Variants in AKAP9 observed in about 807,000 individuals in gnomAD.
AKAP9 encodes A-kinase anchor protein 9.
Under a neutral mutation model 488.5 loss-of-function variants are expected in AKAP9, and 311 were observed. That is an observed-to-expected ratio of 0.64 (90% CI 0.58 to 0.70). The LOEUF is 0.70. Among genes scored for constraint, AKAP9 ranks in the 30% least tolerant of loss-of-function variants. AKAP9 has a pLI of 0.00. For missense variants in AKAP9, 4,215 were observed against 4,374.5 expected (o/e 0.96, Z 1.03); for synonymous variants, 1,462 against 1,483.5 (o/e 0.99, Z 0.33).
chr7:92,062,148 GACTTTTA>G (rs1363708631), intron 23 of AKAP9, 119 bp from the exon 24 acceptor site: 1 of 813,124 alleles, frequency 1.2e-6, no homozygotes, highest in African/African-American at 1.7e-5. Context: ...ATTCATTCAA[GACTTTTA>G]ATAGGTTGGA....
At chr7:92,109,007 C>T (rs958304403) in intron 49 of AKAP9, 1 of 341,380 alleles carries the variant, frequency 2.9e-6, no homozygotes, top group Non-Finnish European at 5.5e-6. Flanking sequence ...GGCCGTGCCG[C>T]AGCACTCCAG....
rs997511406 is a variant in AKAP9 at position 92,016,674 on chromosome 7, A to G, written c.3752-343A>G. 2.0e-5 allele frequency among the ~76,000 whole-genome samples: 3 copies of G among 152,234 alleles called. No homozygotes were observed. In the East Asian group the frequency reaches 5.8e-4, roughly 29 times the overall value. On this transcript the variant is annotated intron_variant, in intron 11 of 49. Coordinates refer to ENST00000356239, the MANE Select transcript of AKAP9 (RefSeq NM_005751.5). ...AATATATTAGTATCTTTCTTAATAT[A>G]GATCTGCTATAAGTTTGTTTTAACA...
intron 14 of AKAP9, among the ~76,000 whole-genome samples, chr7:92,027,531 A>T (rs1227443931): frequency 6.0e-5 from 5 of 83,664 alleles, no homozygotes; most frequent in Non-Finnish European, 9.4e-5. Flanking sequence ...GAGGTGAGGA[A>T]CGCCTCTGCC....
At chr7:91,998,344 A>G (rs895806504) in intron 7 of AKAP9, among the ~76,000 whole-genome samples, 6 of 141,732 alleles carry the variant, frequency 4.2e-5, no homozygotes, top group Non-Finnish European at 7.6e-5. Flanking sequence ...CAAACTTCCC[A>G]TTGGTGCCGT....
chr7:91,947,801 T>C (rs1446665315), intron 1 of AKAP9, among the ~76,000 whole-genome samples: 1 of 152,212 alleles, frequency 6.6e-6, no homozygotes, highest in African/African-American at 2.4e-5. Flanking sequence ...TAATTTTTTT[T>C]AATTGAGGTG....
chr7:92,085,419 A>G (rs948962212), intron 35 of AKAP9, 76 bp from the exon 36 acceptor site: 41 of 1,373,538 alleles, frequency 3.0e-5, no homozygotes, highest in Middle Eastern at 1.8e-4. Flanking sequence ...CTTAAAATTT[A>G]TTTCTGTTTG....
intron 1 of AKAP9, among the ~76,000 whole-genome samples, chr7:91,962,123 C>A (rs1793804346): frequency 6.6e-6 from 1 of 152,144 alleles, no homozygotes; most frequent in African/African-American, 2.4e-5. Flanking sequence ...TAAAGTGCAT[C>A]ATTTCAGTAT....
chr7:92,036,181 T>C (rs1412794591), intron 16 of AKAP9, among the ~76,000 whole-genome samples: 2 of 152,268 alleles, frequency 1.3e-5, no homozygotes, highest in Non-Finnish European at 2.9e-5. Flanking sequence ...TTCCAGTGTT[T>C]TCTGATTTCT....
intron 1 of AKAP9, among the ~76,000 whole-genome samples, chr7:91,963,581 G>GCA: frequency 6.6e-6 from 1 of 151,550 alleles, no homozygotes; most frequent in East Asian, 1.9e-4. Context: ...GCAGTGGCAT[G>GCA]ATCTCGGCTC....
At chr7:91,996,350 C>T (rs1021393315) in intron 7 of AKAP9, among the ~76,000 whole-genome samples, 3 of 152,064 alleles carry the variant, frequency 2.0e-5, no homozygotes, top group Admixed American at 6.6e-5. Context: ...CATAAAACTA[C>T]TCATCCTGGA....
At position 92,083,475 on chromosome 7, in the gene AKAP9, T is replaced by A. The variant is rs767060392; in HGVS notation, c.8466T>A (p.Ser2822Arg). ...CSSEEVTEII[S>R]QFTEKIEKMQ... ...CAGAAGAAGTTACTGAAATAATCAGTCAGTTTACTGAAAAAATTGAGAAGA... is the reference window on the plus strand; with the variant it reads ...CAGAAGAAGTTACTGAAATAATCAGACAGTTTACTGAAAAAATTGAGAAGA... The change falls in exon 33 of 50, where the codon AGT becomes AGA. Residue 2822 changes from serine to arginine, a missense_variant. By Grantham distance (110) the Ser-to-Arg change is moderately radical (BLOSUM62 -1). Coordinates refer to ENST00000356239, the MANE Select transcript of AKAP9 (RefSeq NM_005751.5). 4 of 1,613,238 alleles carry A rather than the reference T, an allele frequency of 2.5e-6. No individual in the cohort carries two copies. Among genetic ancestry groups the A allele is most frequent in the Non-Finnish European group, 3.4e-6 (4 of 1,179,592 alleles).
intron 23 of AKAP9, among the ~76,000 whole-genome samples, 181 bp downstream of exon 23, chr7:92,061,603 TATATATATATATATATAA>T (rs1274364355): frequency 5.0e-5 from 7 of 141,170 alleles, no homozygotes; most frequent in African/African-American, 1.9e-4. Context: ...TATATATATA[TATATATATATATATATAA>T]AATTATAAAA....
chr7:91,993,345 C>T (rs906194686), intron 5 of AKAP9, among the ~76,000 whole-genome samples: 1 of 152,018 alleles, frequency 6.6e-6, no homozygotes, highest in Non-Finnish European at 1.5e-5. Context: ...TGCACTACCA[C>T]ACCCAGCTAA....
chr7:92,040,821 C>T lies in AKAP9; in HGVS notation c.4840C>T (p.Arg1614Trp), dbSNP rs772669837. 33 of 1,613,544 alleles carry T rather than the reference C, an allele frequency of 2.0e-5. No individual in the cohort carries two copies. Among genetic ancestry groups the T allele is most frequent in the Middle Eastern group, 3.3e-4 (2 of 6,084 alleles). Residue 1614 changes from arginine (R) to tryptophan (W), a missense_variant, in exon 18 of 50, where the codon CGG becomes TGG. Transcript: ENST00000356239. ...ATELLRQAHM[R>W]QMERQREDQE... ...GGAATTGTTAAGGCAAGCACATATG[C>T]GGCAAATGGAGAGACAGCGAGAAGA...
chr7:91,943,828 A>G (rs1791097155), intron 1 of AKAP9, among the ~76,000 whole-genome samples: 1 of 152,232 alleles, frequency 6.6e-6, no homozygotes, highest in Non-Finnish European at 1.5e-5. Flanking sequence ...TATTGCTGGC[A>G]TCAGAAACAA....
chr7:92,058,557 G>A (rs924491813), intron 22 of AKAP9: 1 of 239,792 alleles, frequency 4.2e-6, no homozygotes, highest in African/African-American at 2.3e-5. Flanking sequence ...GCTAAATTTG[G>A]TCTGAGTTCC....
In AKAP9 at chr7:92,040,680, G is replaced by A. The variant is rs1481599500; in HGVS notation, c.4699G>A (p.Asp1567Asn). Residue 1567 changes from aspartate (D) to asparagine (N), a missense_variant, in exon 18 of 50, where the codon GAT (aspartate) becomes AAT (asparagine). Asp to Asn is a conservative substitution (Grantham distance 23, BLOSUM62 1). This residue lies in a region of AKAP9 where 2,361 missense variants were observed against 2,430.0 expected (regional missense o/e 0.97). Transcript: ENST00000356239. ...TTTTTTTTTACTATTAAAGATTCAT[G>A]ATGAGATTTCAGTGTCAAGCATGGA... is the stretch of plus-strand genomic sequence containing the variant. ...KTFIVRQSIH[D>N]EISVSSMDAS... 3 of 1,250,900 alleles carry A rather than the reference G, an allele frequency of 2.4e-6. No homozygotes were observed. Among genetic ancestry groups the A allele is most frequent in the Non-Finnish European group, 3.5e-6 (3 of 869,168 alleles). The allele number at this position is 1,250,900 out of a possible 1,614,324, so 77.5% of individuals were successfully genotyped here. A position where few individuals can be genotyped will look rare whatever the true frequency, so the allele number is the denominator to read the frequency against.
intron 39 of AKAP9, 26 bp downstream of exon 39, chr7:92,093,342 CAT>C (rs1385306457): frequency 1.9e-6 from 3 of 1,595,498 alleles, no homozygotes; most frequent in African/African-American, 2.7e-5. Context: ...TTATTAAAAA[CAT>C]GTAACAAGGA....
chr7:91,994,085 C>T (rs940363253), intron 5 of AKAP9, among the ~76,000 whole-genome samples: 13 of 152,290 alleles, frequency 8.5e-5, no homozygotes, highest in East Asian at 1.9e-4. Context: ...GCCAAAATCA[C>T]ACCGCTGCAC....
Sources: gnomAD v4.1 joint callset for allele counts (sites outside exome capture counted in the v4.1 genomes callset) on GRCh38, gnomAD v4.1.1 for gene constraint, gnomAD v4.1.1 regional missense constraint, MANE v1.5 for transcripts, NCBI Gene and HGNC (gene_info 2026-07-23, HGNC 2026-07-21) for gene names.